NLRC5: variants seen among roughly 807,000 people sequenced by gnomAD.
The protein encoded by NLRC5 is protein NLRC5.
Under a neutral mutation model 206.9 loss-of-function variants are expected in NLRC5, and 114 were observed. That is an observed-to-expected ratio of 0.55 (90% CI 0.47 to 0.64). The LOEUF (loss-of-function observed/expected upper bound fraction) is 0.64, where lower values mean the gene tolerates loss of function less well. Among genes scored for constraint, NLRC5 ranks in the 30% least tolerant of loss-of-function variants. The pLI, the probability that NLRC5 is intolerant of heterozygous loss-of-function variation, is 0.00. For missense variants in NLRC5, 2,008 were observed against 2,305.5 expected (o/e 0.87, Z 2.64); for synonymous variants, 952 against 962.8 (o/e 0.99, Z 0.21).
intron 27 of NLRC5, among the ~76,000 whole-genome samples, chr16:57,057,071 A>T (rs549029257): frequency 6.6e-6 from 1 of 152,312 alleles, no homozygotes; most frequent in East Asian, 1.9e-4. Flanking sequence ...AATGTCACAG[A>T]CCTAGGAGGA....
At chr16:57,000,484 GGAGTGCAGGCATGAATTT>G (rs1401228757) in intron 1 of NLRC5, among the ~76,000 whole-genome samples, 1 of 152,096 alleles carries the variant, frequency 6.6e-6, no homozygotes, top group African/African-American at 2.4e-5. Context: ...CCTGAGGCTG[GGAGTGCAGGCATGAATTT>G]GAGTGCAGGC....
intron 1 of NLRC5, among the ~76,000 whole-genome samples, chr16:57,009,370 G>A (rs546337018): frequency 1.3e-5 from 2 of 152,038 alleles, no homozygotes; most frequent in East Asian, 3.9e-4. Flanking sequence ...GAGGTGGGCG[G>A]ATCACAAGGT....
intron 5 of NLRC5, among the ~76,000 whole-genome samples, chr16:57,024,785 G>A (rs2061092328): frequency 6.6e-6 from 1 of 152,182 alleles, no homozygotes; most frequent in South Asian, 2.1e-4. Flanking sequence ...TGAGGCAGGT[G>A]GATCAGTTGA....
chr16:57,052,911 C>G (rs779363179), intron 24 of NLRC5: 1 of 152,368 alleles, frequency 6.6e-6, no homozygotes, highest in Non-Finnish European at 1.5e-5. Context: ...CACACAGCTT[C>G]ACCCCTGACT....
At chr16:57,021,858 C>G (rs575537777) in intron 3 of NLRC5, among the ~76,000 whole-genome samples, 36 of 152,142 alleles carry the variant, frequency 2.4e-4, no homozygotes, top group Non-Finnish European at 5.1e-4. Context: ...ACTTAAGAAC[C>G]CTACTTCAAG....
At chr16:57,062,611 T>C (rs2066652655) in intron 32 of NLRC5, 1 of 155,576 alleles carries the variant, frequency 6.4e-6, no homozygotes, top group African/African-American at 2.4e-5. Flanking sequence ...AAACTGGACG[T>C]TAGATCAAAA....
rs201268786 is a variant in NLRC5 at position 57,023,793 on chromosome 16, C to T, written c.364C>T (p.Arg122Cys). ...PESQLHHGLK[R>C]PHQSCGSSPR... ...TTCCTTTGCTTTTTCAGGCCTGAAGCGCCCACATCAGAGCTGTGGGTCCTC... is the reference window on the plus strand; with the variant it reads ...TTCCTTTGCTTTTTCAGGCCTGAAGTGCCCACATCAGAGCTGTGGGTCCTC... Residue 122 changes from arginine (R) to cysteine (C), a missense_variant, in exon 5 of 49, where the codon CGC (arginine) becomes TGC (cysteine). Arg to Cys is a radical substitution (Grantham distance 180). Transcript: ENST00000688547. The T allele has an allele frequency of 8.1e-6, 13 of 1,611,388 alleles. No homozygotes were observed. Among genetic ancestry groups the T allele is most frequent in the Non-Finnish European group, 9.3e-6 (11 of 1,178,606 alleles).
Position 57,021,142 on chromosome 16 carries a change from C to T in NLRC5, c.295+135C>T, listed in dbSNP as rs114632706. On this transcript the variant is annotated intron_variant, in intron 3 of 48. Transcript: ENST00000688547. ...ACGATCTCAACTCTATATTTCTGGA[C>T]ACTTCCCAGAACAAATTTCCTAATG... 1.5e-3 allele frequency: 1,125 copies of T among 773,032 alleles called. 10 individuals carry two copies. In the African/African-American group the frequency reaches 0.018, roughly 12 times the overall value. 47.9% of individuals were successfully genotyped at this position (773,032 alleles called of 1,614,324 possible).
intron 5 of NLRC5, 131 bp from the exon 6 acceptor site, chr16:57,025,237 A>AC: frequency 4.9e-6 from 7 of 1,428,622 alleles, no homozygotes; most frequent in Non-Finnish European, 6.4e-6. Flanking sequence ...TGCTCTTGAC[A>AC]CCCCCACCCT....
chr16:56,997,150 G>A (rs1028644689), intron 1 of NLRC5, among the ~76,000 whole-genome samples: 1 of 152,218 alleles, frequency 6.6e-6, no homozygotes, highest in Non-Finnish European at 1.5e-5. Context: ...GGAATTACAG[G>A]TGTGAGCCAC....
chr16:57,021,122 C>A, intron 3 of NLRC5, 115 bp downstream of exon 3: 1 of 888,434 alleles, frequency 1.1e-6, no homozygotes, highest in Non-Finnish European at 1.7e-6. Flanking sequence ...CAGCCACGAT[C>A]TCAACTCTAT....
At chr16:57,055,794 C>T (rs1435652193) in intron 27 of NLRC5, among the ~76,000 whole-genome samples, 1 of 152,184 alleles carries the variant, frequency 6.6e-6, no homozygotes. Context: ...GCTCTGCTGG[C>T]AGATGGGGGC....
At chr16:57,010,708 T>C (rs948350127) in intron 1 of NLRC5, among the ~76,000 whole-genome samples, 3 of 152,142 alleles carry the variant, frequency 2.0e-5, no homozygotes, top group African/African-American at 7.2e-5. Context: ...CCATCCATCA[T>C]ACTTAGTGCA....
chr16:57,059,199 A>G (rs1179585615), intron 29 of NLRC5, 138 bp downstream of exon 29: 6 of 1,550,096 alleles, frequency 3.9e-6, no homozygotes, highest in Middle Eastern at 2.4e-4. Context: ...CTTTCTCTGA[A>G]TCTCAGGGTT....
chr16:57,054,986 T>C, intron 25 of NLRC5, 46 bp from the exon 26 acceptor site: 1 of 1,611,808 alleles, frequency 6.2e-7, no homozygotes, highest in South Asian at 1.1e-5. Flanking sequence ...GGGGGCATCC[T>C]GAGGCTGTGG....
At chr16:57,043,185 C>A (rs1381325952) in intron 19 of NLRC5, among the ~76,000 whole-genome samples, 2 of 152,150 alleles carry the variant, frequency 1.3e-5, no homozygotes, top group Non-Finnish European at 2.9e-5. Context: ...CTGGGTACCA[C>A]CCCTCCCTTA....
At chr16:57,040,169 C>T (rs2063103967) in intron 16 of NLRC5, among the ~76,000 whole-genome samples, 1 of 152,160 alleles carries the variant, frequency 6.6e-6, no homozygotes, top group Admixed American at 6.5e-5. Context: ...GATTGCCTGG[C>T]CTGTAGCTCT....
chr16:57,022,379 C>G (rs555888268), intron 4 of NLRC5, 64 bp downstream of exon 4: 1 of 1,401,682 alleles, frequency 7.1e-7, no homozygotes. Context: ...CACTTCCAAG[C>G]TGGAGGAGGC....
chr16:56,992,701 T>C (rs1261189321), intron 1 of NLRC5, among the ~76,000 whole-genome samples: 15 of 152,034 alleles, frequency 9.9e-5, no homozygotes, highest in Admixed American at 3.3e-4. Context: ...GGTCTTGAAC[T>C]CCTGACCTCA....
Sources: allele counts gnomAD v4.1 joint callset (sites outside exome capture counted in the v4.1 genomes callset), GRCh38; gene constraint gnomAD v4.1.1; transcripts MANE v1.5; gene names NCBI Gene and HGNC (gene_info 2026-07-23, HGNC 2026-07-21).